POU6F2: variants seen among roughly 807,000 people sequenced by gnomAD.
POU6F2 encodes the protein POU domain, class 6, transcription factor 2.
A neutral mutation model predicts 71.3 loss-of-function variants in POU6F2; 31 were observed. That is an observed-to-expected ratio of 0.43 (90% confidence interval 0.33 to 0.59). The LOEUF is 0.59. Ranked by LOEUF, POU6F2 falls within the 20% of genes least tolerant of loss-of-function variation. The pLI is 0.04. For missense variants in POU6F2, 783 were observed against 856.8 expected (o/e 0.91, Z 1.07); for synonymous variants, 347 against 355.7 (o/e 0.98, Z 0.27).
chr7:38,999,885 A>G (rs1788850977), intron 1 of POU6F2, among the ~76,000 whole-genome samples: 1 of 152,238 alleles, frequency 6.6e-6, no homozygotes, highest in African/African-American at 2.4e-5. Context: ...AGATGTTCCT[A>G]GGCACGATGG....
chr7:39,081,819 T>G (rs1164245425), intron 1 of POU6F2, among the ~76,000 whole-genome samples: 2 of 152,208 alleles, frequency 1.3e-5, no homozygotes, highest in African/African-American at 4.8e-5. Flanking sequence ...AAATCTGGGA[T>G]ACCCCATGAA....
chr7:38,986,713 G>A (rs1394015944), intron 1 of POU6F2, among the ~76,000 whole-genome samples: 5 of 152,156 alleles, frequency 3.3e-5, no homozygotes, highest in Admixed American at 2.0e-4. Context: ...CATTGCAATA[G>A]CACAGAATAA....
chr7:39,355,286 A>C (rs1786230580), intron 5 of POU6F2, among the ~76,000 whole-genome samples: 1 of 152,248 alleles, frequency 6.6e-6, no homozygotes. Flanking sequence ...AAAGAAAATA[A>C]TAAAAAGGAG....
chr7:39,330,336 C>CT (rs1785613969), intron 4 of POU6F2, among the ~76,000 whole-genome samples: 1 of 152,184 alleles, frequency 6.6e-6, no homozygotes, highest in African/African-American at 2.4e-5. Flanking sequence ...GTTTAAGTCT[C>CT]TATTTGTTCT....
intron 4 of POU6F2, among the ~76,000 whole-genome samples, chr7:39,277,632 GA>G (rs1784472617): frequency 6.6e-6 from 1 of 152,196 alleles, no homozygotes; most frequent in South Asian, 2.1e-4. Flanking sequence ...ATTGAGCGGG[GA>G]AAGACCCAGG....
chr7:39,338,433 G>A (rs143636133), intron 4 of POU6F2, among the ~76,000 whole-genome samples: 5 of 152,076 alleles, frequency 3.3e-5, no homozygotes, highest in Admixed American at 2.0e-4. Context: ...GGCTCTACAC[G>A]CAAGGCAGGC....
At chr7:38,988,625 G>A (rs897412701) in intron 1 of POU6F2, among the ~76,000 whole-genome samples, 2 of 152,096 alleles carry the variant, frequency 1.3e-5, no homozygotes, top group Non-Finnish European at 2.9e-5. Context: ...ACCAATAAGT[G>A]AGCACTTACT....
Position 39,464,546 on chromosome 7 carries a change from T to G in POU6F2, c.2023T>G (p.Tyr675Asp). 6.2e-7 allele frequency: 1 copy of G among 1,613,170 alleles called. No homozygotes were observed. The highest frequency in any genetic ancestry group is 8.5e-7 in the Non-Finnish European group (1 of 1,179,570). ...EMTEIAEKLN[Y>D]DREVVRVWFC... ...GACCGAAATTGCTGAGAAGCTGAAC[T>G]ATGACCGAGAAGTAGTTAGAGTTTG... The change falls in exon 10 of 10, where the codon TAT becomes GAT. Residue 675 changes from tyrosine (Y) to aspartate (D), a missense_variant. Coordinates refer to ENST00000518318, the MANE Select transcript of POU6F2 (RefSeq NM_001370959.1). The surrounding 1 kb of genome is among the most constrained non-coding windows in gnomAD (Gnocchi z 4.1).
At chr7:39,016,014 T>TA (rs1473874178) in intron 1 of POU6F2, among the ~76,000 whole-genome samples, 1 of 59,420 alleles carries the variant, frequency 1.7e-5, no homozygotes, top group African/African-American at 7.2e-5. Context: ...ATATTATATA[T>TA]TATATATATT....
At chr7:39,238,168 T>G (rs1230580366) in intron 4 of POU6F2, among the ~76,000 whole-genome samples, 1 of 152,198 alleles carries the variant, frequency 6.6e-6, no homozygotes, top group South Asian at 2.1e-4. Flanking sequence ...AGTTACAAAC[T>G]GAGGCAGTTT....
chr7:39,384,541 T>A (rs1211759271), intron 5 of POU6F2, among the ~76,000 whole-genome samples: 3 of 148,210 alleles, frequency 2.0e-5, no homozygotes, highest in African/African-American at 7.6e-5. Context: ...TGCTATAAAT[T>A]AAAATAATGA....
intron 1 of POU6F2, among the ~76,000 whole-genome samples, chr7:39,055,190 G>A (rs1253875213): frequency 6.6e-6 from 1 of 152,138 alleles, no homozygotes; most frequent in Non-Finnish European, 1.5e-5. Context: ...ATTAAGTGCA[G>A]GTGGTGAGCA....
In POU6F2 at chr7:39,190,417, T is replaced by TAAAAA. The variant is rs57872350; in HGVS notation, c.278-13793_278-13789dup. On this transcript the variant is annotated intron_variant, in intron 2 of 9. Transcript: ENST00000518318. Reference sequence around the variant, plus strand: ...TTCCTTTTCCTCCTCCTCCTTTTCTTAAAAAAAAAAAAAAAAAAAAAAAAA... The same window carrying TAAAAA: ...TTCCTTTTCCTCCTCCTCCTTTTCTTAAAAAAAAAAAAAAAAAAAAAAAAAAAAAA... 2.8e-4 allele frequency among the ~76,000 whole-genome samples: 17 copies of TAAAAA among 59,902 alleles called. 1 individual carries two copies. In the East Asian group the frequency reaches 6.2e-3, roughly 22 times the overall value. The allele number at this position is 59,902 out of a possible 152,430, so 39.3% of individuals were successfully genotyped here. A position where few individuals can be genotyped will look rare whatever the true frequency, so the allele number is the denominator to read the frequency against.
intron 1 of POU6F2, among the ~76,000 whole-genome samples, chr7:38,989,220 C>G (rs1011635795): frequency 6.6e-6 from 1 of 151,968 alleles, no homozygotes; most frequent in African/African-American, 2.4e-5. Flanking sequence ...ATACAGTGTC[C>G]CAAGTTATTT....
chr7:39,139,404 C>T (rs2128731431), intron 2 of POU6F2, among the ~76,000 whole-genome samples: 1 of 152,318 alleles, frequency 6.6e-6, no homozygotes, highest in African/African-American at 2.4e-5. Context: ...TTCTTCTGCT[C>T]TGCCTGCCCT....
chr7:39,398,821 T>C (rs993159554), intron 5 of POU6F2, among the ~76,000 whole-genome samples: 1 of 152,240 alleles, frequency 6.6e-6, no homozygotes, highest in Admixed American at 6.5e-5. Flanking sequence ...TGGGGCTTAT[T>C]ATATGGCAGG....
intron 5 of POU6F2, among the ~76,000 whole-genome samples, chr7:39,353,562 G>T (rs754102056): frequency 3.9e-5 from 6 of 152,140 alleles, no homozygotes; most frequent in African/African-American, 1.4e-4. Context: ...TCCACTTATG[G>T]GGTGATCCAT....
At chr7:39,167,391 T>G (rs1483042265) in intron 2 of POU6F2, among the ~76,000 whole-genome samples, 1 of 152,200 alleles carries the variant, frequency 6.6e-6, no homozygotes, top group Non-Finnish European at 1.5e-5. Flanking sequence ...ATAATTTACT[T>G]AGTTTTCTAT....
intron 2 of POU6F2, among the ~76,000 whole-genome samples, chr7:39,111,383 C>T (rs1791810172): frequency 6.6e-6 from 1 of 152,014 alleles, no homozygotes; most frequent in Admixed American, 6.6e-5. Context: ...ATTTAGATTT[C>T]TGTGGATGGT....
Sources: allele counts gnomAD v4.1 joint callset (sites outside exome capture counted in the v4.1 genomes callset), GRCh38; gene constraint gnomAD v4.1.1; non-coding constraint Gnocchi (gnomAD v3.1); transcripts MANE v1.5; gene names NCBI Gene and HGNC (gene_info 2026-07-23, HGNC 2026-07-21).